Variants in ZNF609 observed in about 807,000 individuals in gnomAD.
ZNF609 encodes the protein zinc finger protein 609.
ZNF609 carries 11 observed loss-of-function variants against 109.5 expected under a neutral mutation model. The ratio of observed to expected loss-of-function variants is 0.10; its 90% confidence interval spans 0.06 to 0.17. The LOEUF is 0.17. ZNF609 is among the 10% of genes least tolerant of loss of function. ZNF609 has a pLI of 1.00. For synonymous variants in ZNF609, 646 were observed against 662.0 expected, an observed-to-expected ratio of 0.98 and a Z score of 0.37; for missense variants, 1,559 against 1,772.4, an observed-to-expected ratio of 0.88 and a Z score of 2.16.
intron 2 of ZNF609, among the ~76,000 whole-genome samples, chr15:64,594,449 C>T (rs1219651063): frequency 6.6e-6 from 1 of 151,848 alleles, no homozygotes; most frequent in African/African-American, 2.4e-5. Context: ...CCTCTCACCT[C>T]AGCCACCTCA....
chr15:64,521,817 G>C (rs1047758170), intron 2 of ZNF609, among the ~76,000 whole-genome samples: 2 of 152,200 alleles, frequency 1.3e-5, no homozygotes, highest in African/African-American at 4.8e-5. Context: ...AGGAATATTG[G>C]TGTGGGAAAG....
At chr15:64,607,925 G>C (rs1385727095) in intron 2 of ZNF609, among the ~76,000 whole-genome samples, 1 of 106,180 alleles carries the variant, frequency 9.4e-6, no homozygotes, top group African/African-American at 3.9e-5. Context: ...TTGAGACAGA[G>C]TCTCACTCTG....
At chr15:64,666,994 G>A (rs555951288) in intron 3 of ZNF609, among the ~76,000 whole-genome samples, 26 of 152,136 alleles carry the variant, frequency 1.7e-4, no homozygotes, top group African/African-American at 2.7e-4. Flanking sequence ...GCCGGGTGTG[G>A]TGATGTGCGC....
intron 2 of ZNF609, among the ~76,000 whole-genome samples, chr15:64,578,983 CAGAG>C (rs750009344): frequency 6.6e-6 from 1 of 151,934 alleles, no homozygotes; most frequent in Non-Finnish European, 1.5e-5. Context: ...GCCTGGGTGA[CAGAG>C]AGAGAACTTG....
intron 1 of ZNF609, among the ~76,000 whole-genome samples, chr15:64,497,825 C>T (rs1327706260): frequency 2.0e-5 from 3 of 151,490 alleles, no homozygotes; most frequent in Admixed American, 6.6e-5. Context: ...TGCTTGAACC[C>T]GGGAGGCAGA....
At chr15:64,511,199 C>T (rs1157272750) in intron 2 of ZNF609, among the ~76,000 whole-genome samples, 4 of 151,726 alleles carry the variant, frequency 2.6e-5, no homozygotes, top group East Asian at 1.9e-4. Context: ...GGGCCAGGCT[C>T]GGTGGCTCAC....
At chr15:64,588,334 AG>A (rs1895233061) in intron 2 of ZNF609, among the ~76,000 whole-genome samples, 1 of 145,536 alleles carries the variant, frequency 6.9e-6, no homozygotes, top group South Asian at 2.3e-4. Context: ...AGGCTGAGGC[AG>A]GAGAATGGCA....
intron 3 of ZNF609, among the ~76,000 whole-genome samples, chr15:64,629,043 G>A (rs1896021701): frequency 6.6e-6 from 1 of 152,084 alleles, no homozygotes; most frequent in Admixed American, 6.5e-5. Flanking sequence ...ACTTCTATTA[G>A]CTCTCTTATT....
intron 2 of ZNF609, among the ~76,000 whole-genome samples, chr15:64,534,277 G>C (rs1236701020): frequency 2.7e-5 from 4 of 148,868 alleles, no homozygotes; most frequent in African/African-American, 9.9e-5. Context: ...TCCCAAAGTG[G>C]TGGTATTACA....
intron 2 of ZNF609, among the ~76,000 whole-genome samples, chr15:64,596,266 G>C (rs1895397028): frequency 6.6e-6 from 1 of 152,118 alleles, no homozygotes; most frequent in Non-Finnish European, 1.5e-5. Flanking sequence ...CACTTCTCCT[G>C]ACTCAGTCTC....
At chr15:64,531,040 A>G (rs1894053342) in intron 2 of ZNF609, among the ~76,000 whole-genome samples, 1 of 152,218 alleles carries the variant, frequency 6.6e-6, no homozygotes, top group Non-Finnish European at 1.5e-5. Flanking sequence ...TGTAATGTAT[A>G]TCATTCCACT....
intron 4 of ZNF609, among the ~76,000 whole-genome samples, chr15:64,672,736 C>T (rs1041490172): frequency 3.3e-5 from 5 of 150,758 alleles, no homozygotes; most frequent in African/African-American, 4.9e-5. Context: ...GAGGCCGAGG[C>T]GGGTGGATCA....
chr15:64,541,367 C>G (rs1894257350), intron 2 of ZNF609, among the ~76,000 whole-genome samples: 1 of 142,814 alleles, frequency 7.0e-6, no homozygotes, highest in African/African-American at 2.6e-5. Context: ...GCGGAGCTCG[C>G]AGTGAGCCGA....
intron 3 of ZNF609, among the ~76,000 whole-genome samples, chr15:64,635,363 TA>T (rs1012994793): frequency 2.0e-5 from 3 of 152,230 alleles, no homozygotes; most frequent in Non-Finnish European, 2.9e-5. Context: ...TAGCCCTAAC[TA>T]ACTTAGCTTT....
chr15:64,531,865 C>T (rs987804414), intron 2 of ZNF609, among the ~76,000 whole-genome samples: 1 of 152,220 alleles, frequency 6.6e-6, no homozygotes, highest in African/African-American at 2.4e-5. Flanking sequence ...TCCCTTGCTT[C>T]CATATAGTCT....
chr15:64,557,508 C>G (rs754124948), intron 2 of ZNF609, among the ~76,000 whole-genome samples: 20 of 151,824 alleles, frequency 1.3e-4, no homozygotes, highest in Non-Finnish European at 2.5e-4. Flanking sequence ...ATAATTCTAT[C>G]GAGGGCTGAA....
At chr15:64,530,225 A>G (rs957449685) in intron 2 of ZNF609, among the ~76,000 whole-genome samples, 5 of 152,120 alleles carry the variant, frequency 3.3e-5, no homozygotes, top group African/African-American at 1.2e-4. Context: ...CATGTTGGCC[A>G]GGCTGGTCTC....
At chr15:64,662,408 C>G (rs1360309604) in intron 3 of ZNF609, among the ~76,000 whole-genome samples, 1 of 152,112 alleles carries the variant, frequency 6.6e-6, no homozygotes, top group Middle Eastern at 3.2e-3. Context: ...TCATTACAGC[C>G]TAGATCTCCC....
chr15:64,496,105 C>T (rs1189172939), intron 1 of ZNF609, among the ~76,000 whole-genome samples: 10 of 152,206 alleles, frequency 6.6e-5, no homozygotes, highest in Non-Finnish European at 1.3e-4. Context: ...AGGCATGAGC[C>T]TGTGCCTGGC....
Sources: allele counts gnomAD v4.1 joint callset (sites outside exome capture counted in the v4.1 genomes callset), GRCh38; gene constraint gnomAD v4.1.1; transcripts MANE v1.5; gene names NCBI Gene and HGNC (gene_info 2026-07-23, HGNC 2026-07-21).